The following CACNA2D3 variants were observed in gnomAD, a reference collection of about 807,000 sequenced individuals.
The protein encoded by CACNA2D3 is calcium voltage-gated channel auxiliary subunit alpha2delta 3.
Under a neutral mutation model 160.6 loss-of-function variants are expected in CACNA2D3, and 60 were observed. The observed-to-expected ratio is 0.37, with a 90% CI of 0.30 to 0.46. The LOEUF (loss-of-function observed/expected upper bound fraction) is 0.46, where lower values mean the gene tolerates loss of function less well. Among genes scored for constraint, CACNA2D3 ranks in the 20% least tolerant of loss-of-function variants. CACNA2D3 has a pLI of 1.00. For synonymous variants in CACNA2D3, 558 were observed against 492.9 expected, an observed-to-expected ratio of 1.13 and a Z score of -1.75; for missense variants, 1,205 against 1,365.0, an observed-to-expected ratio of 0.88 and a Z score of 1.85.
At chr3:54,557,807 G>A (rs921502703) in intron 5 of CACNA2D3, among the ~76,000 whole-genome samples, 1 of 152,166 alleles carries the variant, frequency 6.6e-6, no homozygotes, top group Non-Finnish European at 1.5e-5. Context: ...TTACTTTGTG[G>A]TGAAAGGCTG....
At chr3:54,561,979 C>T (rs1440919895) in intron 5 of CACNA2D3, among the ~76,000 whole-genome samples, 1 of 152,178 alleles carries the variant, frequency 6.6e-6, no homozygotes, top group Non-Finnish European at 1.5e-5. Flanking sequence ...TATAAAAAGT[C>T]TCAGGTCTCG....
Position 54,290,385 on chromosome 3 carries a change from C to T in CACNA2D3, c.205-30057C>T, listed in dbSNP as rs540861150. 2.1e-4 allele frequency among the ~76,000 whole-genome samples: 32 copies of T among 152,174 alleles called. 1 individual carries two copies. The highest frequency in any genetic ancestry group is 2.5e-4 in the Non-Finnish European group (17 of 68,004). Reference sequence around the variant, plus strand: ...TACCATCTCACACCGGTTAGAATGGCGGTCATTAAAAAGTCAGGAAACAAC... The same window carrying T: ...TACCATCTCACACCGGTTAGAATGGTGGTCATTAAAAAGTCAGGAAACAAC... On this transcript the variant is annotated intron_variant, in intron 2 of 37. Coordinates refer to ENST00000474759, the MANE Select transcript of CACNA2D3 (RefSeq NM_018398.3).
chr3:54,653,510 A>G (rs2106868370), intron 11 of CACNA2D3, among the ~76,000 whole-genome samples: 1 of 152,332 alleles, frequency 6.6e-6, no homozygotes, highest in South Asian at 2.1e-4. Context: ...TGGTCAGTCA[A>G]CAGCATGACA....
chr3:54,362,623 A>G (rs1364025743), intron 3 of CACNA2D3, among the ~76,000 whole-genome samples: 3 of 152,156 alleles, frequency 2.0e-5, no homozygotes, highest in African/African-American at 7.2e-5. Flanking sequence ...GAAAATTCAG[A>G]GAGGTTGTAT....
chr3:54,202,681 T>G (rs1220207947), intron 2 of CACNA2D3, among the ~76,000 whole-genome samples: 1 of 152,164 alleles, frequency 6.6e-6, no homozygotes, highest in Non-Finnish European at 1.5e-5. Flanking sequence ...AAAGTGAGAG[T>G]TCTGTTGATT....
intron 35 of CACNA2D3, among the ~76,000 whole-genome samples, chr3:55,052,561 G>A (rs534772644): frequency 1.1e-4 from 16 of 151,764 alleles, no homozygotes; most frequent in African/African-American, 3.4e-4. Context: ...TACTTTTTCT[G>A]TTCATTACCA....
At chr3:54,596,473 C>A (rs868752951) in intron 9 of CACNA2D3, among the ~76,000 whole-genome samples, 15 of 152,100 alleles carry the variant, frequency 9.9e-5, no homozygotes, top group Admixed American at 7.2e-4. Flanking sequence ...CCCTGTTTGC[C>A]CAGGGGTTAG....
intron 2 of CACNA2D3, among the ~76,000 whole-genome samples, chr3:54,245,566 G>A (rs1702056741): frequency 6.6e-6 from 1 of 152,186 alleles, no homozygotes; most frequent in South Asian, 2.1e-4. Context: ...CACTGGCACT[G>A]AAAGCACCTT....
At position 54,859,972 on chromosome 3, in the gene CACNA2D3, G is replaced by GCGCGCGCACACACACA. The variant is rs535185040; in HGVS notation, c.1627-11566_1627-11565insGCGCGCACACACACAC. 8.7e-3 allele frequency among the ~76,000 whole-genome samples: 1,166 copies of GCGCGCGCACACACACA among 133,862 alleles called. 15 individuals carry two copies. Among genetic ancestry groups the GCGCGCGCACACACACA allele is most frequent in the African/African-American group, 0.031 (1,106 of 35,926 alleles). The allele number at this position is 133,862 out of a possible 152,430, so 87.8% of individuals were successfully genotyped here. A position where few individuals can be genotyped will look rare whatever the true frequency, so the allele number is the denominator to read the frequency against. ...TTAGAACATCATCTGGAAAGTAGATGCACACACACACACACACACACACAC... is the reference window on the plus strand; with the variant it reads ...TTAGAACATCATCTGGAAAGTAGATGCGCGCGCACACACACACACACACACACACACACACACACAC... On this transcript the variant is annotated intron_variant, in intron 17 of 37. Transcript: ENST00000474759.
chr3:54,665,502 A>T (rs1462382512), intron 11 of CACNA2D3, among the ~76,000 whole-genome samples: 2 of 149,962 alleles, frequency 1.3e-5, no homozygotes, highest in Non-Finnish European at 3.0e-5. Context: ...TAGTGTACTT[A>T]TTTTTTATTT....
chr3:54,654,066 T>G (rs74884207), intron 11 of CACNA2D3, among the ~76,000 whole-genome samples: 9,645 of 152,070 alleles, frequency 0.063, 345 homozygotes, highest in South Asian at 0.11. Flanking sequence ...AGGATTTAAG[T>G]CCCTTGCCAC....
chr3:54,519,166 C>T (rs1701606017), intron 5 of CACNA2D3, among the ~76,000 whole-genome samples: 1 of 33,190 alleles, frequency 3.0e-5, no homozygotes, highest in African/African-American at 1.3e-4. Flanking sequence ...TGAAATCTGC[C>T]ATGTGTTGTG....
intron 11 of CACNA2D3, among the ~76,000 whole-genome samples, chr3:54,700,008 A>C (rs1700738024): frequency 1.3e-5 from 2 of 152,216 alleles, no homozygotes; most frequent in African/African-American, 2.4e-5. Flanking sequence ...ACACAGGTAC[A>C]CACAAGGTTG....
At chr3:54,355,970 G>A (rs1353154071) in intron 3 of CACNA2D3, among the ~76,000 whole-genome samples, 7 of 152,144 alleles carry the variant, frequency 4.6e-5, no homozygotes, top group African/African-American at 1.7e-4. Context: ...CCACGGAACT[G>A]CTAAGTCCTT....
intron 27 of CACNA2D3, among the ~76,000 whole-genome samples, chr3:54,948,348 A>G (rs1375973508): frequency 2.0e-5 from 3 of 152,238 alleles, no homozygotes; most frequent in African/African-American, 7.2e-5. Context: ...AAGATTCTTG[A>G]TAATTGTCAT....
chr3:54,765,525 C>T (rs1702207920), intron 13 of CACNA2D3, among the ~76,000 whole-genome samples: 1 of 152,130 alleles, frequency 6.6e-6, no homozygotes, highest in African/African-American at 2.4e-5. Flanking sequence ...TTTATGTTGG[C>T]ACCATATTAA....
chr3:54,811,061 C>T lies in CACNA2D3; in HGVS notation c.1381-5792C>T, dbSNP rs190917145. 3.2e-3 allele frequency among the ~76,000 whole-genome samples: 484 copies of T among 152,278 alleles called. 2 individuals are homozygous for T. Among genetic ancestry groups the T allele is most frequent in the Non-Finnish European group, 4.8e-3 (328 of 68,022 alleles). On this transcript the variant is annotated intron_variant, in intron 13 of 37. Coordinates refer to ENST00000474759, the MANE Select transcript of CACNA2D3 (RefSeq NM_018398.3). ...CTGGGCTCTCGCTGTCCTCTGCCTA[C>T]ACTCACCCCTTCGGTAACCTCATCT...
intron 17 of CACNA2D3, among the ~76,000 whole-genome samples, chr3:54,870,374 A>G (rs1238861794): frequency 6.6e-6 from 1 of 152,252 alleles, no homozygotes; most frequent in Non-Finnish European, 1.5e-5. Flanking sequence ...CATCTCACTT[A>G]GAACCTTCCA....
At chr3:54,833,613 T>G (rs1335544432) in intron 14 of CACNA2D3, among the ~76,000 whole-genome samples, 2 of 151,980 alleles carry the variant, frequency 1.3e-5, no homozygotes, top group South Asian at 4.1e-4. Context: ...AAACTTGCCA[T>G]TGACTGCTAT....
Sources: gnomAD v4.1 joint callset for allele counts (sites outside exome capture counted in the v4.1 genomes callset) on GRCh38, gnomAD v4.1.1 for gene constraint, MANE v1.5 for transcripts, NCBI Gene and HGNC (gene_info 2026-07-23, HGNC 2026-07-21) for gene names.